The following EVC variants were observed in gnomAD, a reference collection of about 807,000 sequenced individuals.
EVC encodes the protein evC complex member EVC.
In EVC, 116 loss-of-function variants were observed where a neutral mutation model predicts 118.9. The observed-to-expected ratio is 0.98, with a 90% confidence interval of 0.84 to 1.14. EVC has a LOEUF of 1.14. EVC is among the 50% of genes most tolerant of loss of function. EVC has a pLI of 0.00. For synonymous variants in EVC, 619 were observed against 534.7 expected, an observed-to-expected ratio of 1.16 and a Z score of -2.18; for missense variants, 1,401 against 1,246.4, an observed-to-expected ratio of 1.12 and a Z score of -1.87.
chr4:5,792,775 C>T (rs1713038338), intron 12 of EVC, among the ~76,000 whole-genome samples: 1 of 152,118 alleles, frequency 6.6e-6, no homozygotes, highest in South Asian at 2.1e-4. Flanking sequence ...TTCCTCCATA[C>T]CAGCAACACC....
intron 12 of EVC, among the ~76,000 whole-genome samples, chr4:5,787,348 G>A (rs575817915): frequency 1.2e-4 from 19 of 152,300 alleles, no homozygotes; most frequent in South Asian, 1.2e-3. Context: ...GCAAAGGATC[G>A]TGAGATGGGG....
At chr4:5,766,256 T>TTTCTGC (rs1217359203) in intron 11 of EVC, among the ~76,000 whole-genome samples, 1 of 151,720 alleles carries the variant, frequency 6.6e-6, no homozygotes, top group Non-Finnish European at 1.5e-5. Context: ...GCTTGTAGAG[T>TTTCTGC]TTCTGCCTAG....
chr4:5,754,171 G>C lies in EVC; in HGVS notation c.1464+238G>C, dbSNP rs1177254806. Among the ~76,000 whole-genome samples, 1 of 152,154 alleles carries C rather than the reference G, an allele frequency of 6.6e-6. No individual in the cohort carries two copies. Among genetic ancestry groups the C allele is most frequent in the East Asian group, 1.9e-4 (1 of 5,172 alleles). On this transcript the variant is annotated intron_variant, in intron 10 of 20. Transcript: ENST00000264956. The surrounding 1 kb of genome is among the most constrained non-coding windows in gnomAD (Gnocchi z 5.8). ...CACTGGGCTGCTGAGAAGAGGAGGG[G>C]GTAGGATCCGTAGAGAGCTTGGCAG...
chr4:5,749,529 G>A lies in EVC; in HGVS notation c.1098+1223G>A, dbSNP rs190554112. The stretch of plus-strand genomic sequence containing the variant: ...AACACATTACTTAACCTCTCTGCGC[G>A]TCTGTTCCTCTATTTATAAAATAAT... On this transcript the variant is annotated intron_variant, in intron 8 of 20. Transcript: ENST00000264956. The surrounding 1 kb of genome is among the most constrained non-coding windows in gnomAD (Gnocchi z 4.4). 1.7e-4 allele frequency among the ~76,000 whole-genome samples: 26 copies of A among 152,112 alleles called. No individual in the cohort carries two copies. Among genetic ancestry groups the A allele is most frequent in the South Asian group, 1.0e-3 (5 of 4,812 alleles).
Position 5,762,186 on chromosome 4 carries a change from A to G in EVC, c.1563+5824A>G, listed in dbSNP as rs191517081. 2.5e-3 allele frequency among the ~76,000 whole-genome samples: 303 copies of G among 118,868 alleles called. 38 individuals carry two copies. The highest frequency in any genetic ancestry group is 8.3e-3 in the African/African-American group (271 of 32,514). 78.0% of individuals were successfully genotyped at this position (118,868 alleles called of 152,430 possible). A position where few individuals can be genotyped will look rare whatever the true frequency, so the allele number is the denominator to read the frequency against. ...TTGTTCTTGGGATAGTTTACTGAGA[A>G]TGATGATTTCCAATTTCATCCATGT... On this transcript the variant is annotated intron_variant, in intron 11 of 20. Coordinates refer to ENST00000264956, the MANE Select transcript of EVC (RefSeq NM_153717.3).
At chr4:5,823,767 G>C in the EVC span, among the ~76,000 whole-genome samples, 3 of 152,066 alleles carry the variant, frequency 2.0e-5, no homozygotes, top group African/African-American at 7.3e-5. Flanking sequence ...CGTGCTGCTT[G>C]TACAGCCTGC....
chr4:5,794,253 ATATGTATT>A (rs1713360090), intron 13 of EVC, among the ~76,000 whole-genome samples: 1 of 30,500 alleles, frequency 3.3e-5, no homozygotes. Context: ...ATATATATTT[ATATGTATT>A]TATATATTTA....
Position 5,793,683 on chromosome 4 carries a change from G to A in EVC, c.1852G>A (p.Gly618Ser), listed in dbSNP as rs777024713. The change falls in exon 13 of 21, where the codon GGC becomes AGC. Residue 618 changes from glycine (G) to serine (S), a missense_variant. Physicochemically the swap from Gly to Ser is moderately conservative, Grantham distance 56. Coordinates refer to ENST00000264956, the MANE Select transcript of EVC (RefSeq NM_153717.3). ...GGAGGACCACGAGGGCACCATCCGC[G>A]GCGTCTTGGGCCGACTGGGCGGCCT... is the stretch of plus-strand genomic sequence containing the variant. ...LREDHEGTIR[G>S]VLGRLGGLTE... 46 of 1,551,762 alleles carry A rather than the reference G, an allele frequency of 3.0e-5. No homozygotes were observed. The East Asian group carries it at 5.6e-4, about 19-fold the overall frequency.
intron 11 of EVC, 136 bp from the exon 12 acceptor site, chr4:5,783,416 G>T: frequency 1.2e-6 from 1 of 816,154 alleles, no homozygotes; most frequent in Non-Finnish European, 2.1e-6. Flanking sequence ...GCTTGCATAC[G>T]TGTGACTTGA....
chr4:5,717,717 C>T (rs1724215547), intron 1 of EVC, among the ~76,000 whole-genome samples: 1 of 152,246 alleles, frequency 6.6e-6, no homozygotes, highest in Admixed American at 6.5e-5. Context: ...TAGAATGCTC[C>T]TCCCTGAGAT....
At chr4:5,735,822 T>C (rs2199841) in intron 5 of EVC, among the ~76,000 whole-genome samples, 150,896 of 152,274 alleles carry the variant, frequency 0.99, 74,765 homozygotes, top group East Asian at 1. Context: ...ATGTGTTGCA[T>C]GTGTGATTGG....
rs1373148885 is a variant in EVC at position 5,783,705 on chromosome 4, A to G, written c.1717A>G (p.Asn573Asp). Residue 573 changes from asparagine (N) to aspartate (D), a missense_variant, in exon 12 of 21, where the codon AAT becomes GAT. Coordinates refer to ENST00000264956, the MANE Select transcript of EVC (RefSeq NM_153717.3). ...ENAAWQLGKS[N>D]RFRRQQWKLF... ...CGCTGCCTGGCAGCTGGGGAAGTCA[A>G]ATCGCTTCCGGAGGCAGCAGTGGAA... The G allele has an allele frequency of 4.3e-6, 7 of 1,614,000 alleles. No individual in the cohort carries two copies. Among genetic ancestry groups the G allele is most frequent in the Middle Eastern group, 1.6e-4 (1 of 6,062 alleles).
chr4:5,739,497 A>G (rs1728195413), intron 5 of EVC, among the ~76,000 whole-genome samples: 1 of 152,190 alleles, frequency 6.6e-6, no homozygotes, highest in African/African-American at 2.4e-5. Context: ...CCCGCATGCC[A>G]TGGAGATCAA....
At chr4:5,720,650 CTGGCTGG>C (rs1206589763) in intron 2 of EVC, among the ~76,000 whole-genome samples, 1 of 152,362 alleles carries the variant, frequency 6.6e-6, no homozygotes, top group East Asian at 1.9e-4. Context: ...ATCTCCCTCC[CTGGCTGG>C]TGGGATCCCT....
intron 7 of EVC, among the ~76,000 whole-genome samples, chr4:5,747,650 G>A (rs1157164469): frequency 2.0e-5 from 3 of 152,160 alleles, no homozygotes; most frequent in African/African-American, 7.2e-5. Context: ...TAAAATGAGG[G>A]GGAGGGAAGA....
intron 5 of EVC, among the ~76,000 whole-genome samples, chr4:5,740,858 C>T (rs2151993713): frequency 6.6e-6 from 1 of 152,262 alleles, no homozygotes; most frequent in Non-Finnish European, 1.5e-5. Context: ...ATTAAGCCAG[C>T]ATGAAAATCC....
chr4:5,798,475 C>A lies in EVC; in HGVS notation c.2098-111C>A. ...CACCTCTTTCTGCCCTTTCTCCATC[C>A]CTTTTCCAACCCCTGGGCCCTGGAT... is the stretch of plus-strand genomic sequence containing the variant. On this transcript the variant is annotated intron_variant, in intron 14 of 20. Transcript: ENST00000264956. The surrounding 1 kb of genome is among the most constrained non-coding windows in gnomAD (Gnocchi z 4.1). The A allele has an allele frequency of 8.9e-7, 1 of 1,120,256 alleles. No homozygotes were observed. The highest frequency in any genetic ancestry group is 1.3e-6 in the Non-Finnish European group (1 of 758,610). The allele number at this position is 1,120,256 out of a possible 1,614,324, so 69.4% of individuals were successfully genotyped here. A position where few individuals can be genotyped will look rare whatever the true frequency, so the allele number is the denominator to read the frequency against.
rs1000518768 is a variant in EVC at position 5,789,276 on chromosome 4, C to T, written c.1777-4332C>T. ...CTCTGCAAAGCCCACCATGTCAGGC[C>T]CTGGCTGCCCTCTGACCGCAACTGC... On this transcript the variant is annotated intron_variant, in intron 12 of 20. Coordinates refer to ENST00000264956, the MANE Select transcript of EVC (RefSeq NM_153717.3). The surrounding 1 kb of genome is among the most constrained non-coding windows in gnomAD (Gnocchi z 4.3). 1.3e-5 allele frequency among the ~76,000 whole-genome samples: 2 copies of T among 152,140 alleles called. No homozygotes were observed. Among genetic ancestry groups the T allele is most frequent in the Non-Finnish European group, 2.9e-5 (2 of 68,028 alleles).
chr4:5,817,714 G>A (rs190729385), downstream of EVC, among the ~76,000 whole-genome samples: 7 of 152,212 alleles, frequency 4.6e-5, no homozygotes, highest in Admixed American at 2.0e-4. Context: ...GAGTAACACA[G>A]AGGAGGGTTA....
Sources: gnomAD v4.1 joint callset for allele counts (sites outside exome capture counted in the v4.1 genomes callset) on GRCh38, gnomAD v4.1.1 for gene constraint, Gnocchi (gnomAD v3.1) non-coding constraint, MANE v1.5 for transcripts, NCBI Gene and HGNC (gene_info 2026-07-23, HGNC 2026-07-21) for gene names.